The following MACROD2 variants were observed in gnomAD, a reference collection of about 807,000 sequenced individuals.
MACROD2 encodes the protein ADP-ribose glycohydrolase MACROD2.
In MACROD2, 36 loss-of-function variants were observed where a neutral mutation model predicts 70.4. That is an observed-to-expected ratio of 0.51 (90% CI 0.39 to 0.68). The LOEUF (loss-of-function observed/expected upper bound fraction) is 0.68. MACROD2 is among the 30% of genes least tolerant of loss of function. The probability of loss-of-function intolerance (pLI) is 0.00; values close to 1 mark genes in which losing one functional copy is unlikely to be tolerated. For synonymous variants in MACROD2, 172 were observed against 178.8 expected (o/e 0.96, Z 0.30); for missense variants, 496 against 538.4 (o/e 0.92, Z 0.78).
At chr20:14,333,568 A>G (rs1242706356) in intron 3 of MACROD2, among the ~76,000 whole-genome samples, 1 of 152,200 alleles carries the variant, frequency 6.6e-6, no homozygotes, top group African/African-American at 2.4e-5. Context: ...AGCAAATGCA[A>G]TTAAAAGTTT....
intron 5 of MACROD2, among the ~76,000 whole-genome samples, chr20:14,709,112 T>G (rs1255900013): frequency 6.6e-6 from 1 of 152,148 alleles, no homozygotes; most frequent in Admixed American, 6.6e-5. Flanking sequence ...GAAAAAGAAA[T>G]GGGCAAAAGT....
rs962813530 is a variant in MACROD2, at chr20:15,564,055, C to T, written c.645+64208C>T. 2.6e-5 allele frequency among the ~76,000 whole-genome samples: 4 copies of T among 152,148 alleles called. No homozygotes were observed. In the East Asian group the frequency reaches 7.7e-4, roughly 29 times the overall value. On this transcript the variant is annotated intron_variant, in intron 8 of 17. Coordinates refer to ENST00000684519, the MANE Select transcript of MACROD2 (RefSeq NM_001351661.2). ...TGCCCAGATTTTTTCCAGATGGTTT[C>T]TCATGTCGCCAGTTTAATATCAACA...
intron 8 of MACROD2, among the ~76,000 whole-genome samples, chr20:15,747,835 GAA>G (rs568415559): frequency 6.6e-6 from 1 of 152,014 alleles, no homozygotes; most frequent in Non-Finnish European, 1.5e-5. Context: ...GTACAGTGTT[GAA>G]AAAGAGTGGT....
At chr20:14,787,921 A>T (rs1408948424) in intron 5 of MACROD2, among the ~76,000 whole-genome samples, 2 of 152,094 alleles carry the variant, frequency 1.3e-5, no homozygotes, top group African/African-American at 4.8e-5. Context: ...AAGACAGCAC[A>T]TTTCTAAGAT....
chr20:15,438,538 T>C (rs191065744), intron 7 of MACROD2, among the ~76,000 whole-genome samples: 22 of 152,282 alleles, frequency 1.4e-4, no homozygotes, highest in Admixed American at 1.2e-3. Flanking sequence ...TTTGTTTATC[T>C]CATGTAAATT....
At chr20:14,654,120 T>A (rs1985838096) in intron 4 of MACROD2, among the ~76,000 whole-genome samples, 1 of 152,160 alleles carries the variant, frequency 6.6e-6, no homozygotes, top group Admixed American at 6.5e-5. Context: ...TTATAATAAT[T>A]ATTAATTTCA....
At chr20:15,806,185 C>A (rs900554911) in intron 8 of MACROD2, among the ~76,000 whole-genome samples, 2 of 152,170 alleles carry the variant, frequency 1.3e-5, no homozygotes, top group East Asian at 3.8e-4. Context: ...GAATAAAAAA[C>A]ACGAGCTTTT....
At chr20:15,572,206 G>A (rs758262068) in intron 8 of MACROD2, among the ~76,000 whole-genome samples, 1 of 152,036 alleles carries the variant, frequency 6.6e-6, no homozygotes. Flanking sequence ...AAGGGGAAGG[G>A]TATGTATCCT....
chr20:14,604,569 A>G (rs1982686779), intron 4 of MACROD2, among the ~76,000 whole-genome samples: 1 of 152,182 alleles, frequency 6.6e-6, no homozygotes, highest in Non-Finnish European at 1.5e-5. Flanking sequence ...ATCATCTCTC[A>G]TCCTCAAAAA....
intron 3 of MACROD2, among the ~76,000 whole-genome samples, chr20:14,243,750 A>T (rs2081947408): frequency 6.6e-6 from 1 of 152,248 alleles, no homozygotes; most frequent in Admixed American, 6.5e-5. Context: ...TATGATAGAA[A>T]GTGGCAAGAC....
chr20:14,408,970 A>G (rs1480216103), intron 3 of MACROD2, among the ~76,000 whole-genome samples: 7 of 152,120 alleles, frequency 4.6e-5, no homozygotes, highest in Admixed American at 4.6e-4. Flanking sequence ...AAACTACTAC[A>G]TATAGAGCCT....
At chr20:15,311,110 C>G (rs1190723060) in intron 6 of MACROD2, among the ~76,000 whole-genome samples, 1 of 151,700 alleles carries the variant, frequency 6.6e-6, no homozygotes, top group African/African-American at 2.4e-5. Context: ...GTAAGAAATC[C>G]AGGTGGTAAA....
chr20:15,150,368 C>T (rs552959541), intron 5 of MACROD2, among the ~76,000 whole-genome samples: 8 of 152,054 alleles, frequency 5.3e-5, no homozygotes, highest in African/African-American at 1.9e-4. Context: ...AAAGAGTGTA[C>T]AGGTTGGGCA....
intron 3 of MACROD2, among the ~76,000 whole-genome samples, chr20:14,107,225 T>A (rs908964603): frequency 7.9e-5 from 12 of 152,118 alleles, no homozygotes; most frequent in African/African-American, 2.9e-4. Flanking sequence ...CAGTAGAAAT[T>A]CTAGAGTTGA....
chr20:15,817,570 T>A (rs1200558499), intron 8 of MACROD2, among the ~76,000 whole-genome samples: 1 of 152,212 alleles, frequency 6.6e-6, no homozygotes, highest in East Asian at 1.9e-4. Flanking sequence ...CATACCATTG[T>A]TCACCATGCC....
At chr20:14,979,417 G>A (rs1313979586) in intron 5 of MACROD2, among the ~76,000 whole-genome samples, 1 of 152,040 alleles carries the variant, frequency 6.6e-6, no homozygotes, top group African/African-American at 2.4e-5. Flanking sequence ...ATGTAAGTTG[G>A]CATAAAAGAA....
chr20:15,036,963 T>A (rs1444202496), intron 5 of MACROD2, among the ~76,000 whole-genome samples: 1 of 151,794 alleles, frequency 6.6e-6, no homozygotes, highest in African/African-American at 2.4e-5. Flanking sequence ...TATAAAATAA[T>A]CTTTATGTGT....
intron 3 of MACROD2, among the ~76,000 whole-genome samples, chr20:14,423,950 C>T (rs1382120975): frequency 2.0e-5 from 3 of 151,330 alleles, no homozygotes; most frequent in East Asian, 2.0e-4. Flanking sequence ...TTAGTAGAGA[C>T]GGGGTTTCTC....
chr20:14,466,050 T>G (rs34671733), intron 3 of MACROD2, among the ~76,000 whole-genome samples: 22,736 of 152,002 alleles, frequency 0.15, 2,417 homozygotes, highest in Non-Finnish European at 0.21. Context: ...TTGTGGCGTT[T>G]TCTGTATTTC....
Sources: allele counts gnomAD v4.1 joint callset (sites outside exome capture counted in the v4.1 genomes callset), GRCh38; gene constraint gnomAD v4.1.1; transcripts MANE v1.5; gene names NCBI Gene and HGNC (gene_info 2026-07-23, HGNC 2026-07-21).